The following ZNF385B variants were observed in gnomAD, a reference collection of about 807,000 sequenced individuals.
The protein encoded by ZNF385B is zinc finger protein 533.
Under a neutral mutation model 39.2 loss-of-function variants are expected in ZNF385B, and 23 were observed. The ratio of observed to expected loss-of-function variants is 0.59; its 90% confidence interval spans 0.42 to 0.83. The LOEUF (loss-of-function observed/expected upper bound fraction) is 0.83, where lower values mean the gene tolerates loss of function less well. Among genes scored for constraint, ZNF385B ranks in the 40% least tolerant of loss-of-function variants. The pLI is 0.00. For missense variants in ZNF385B, 552 were observed against 598.9 expected (o/e 0.92, Z 0.82); for synonymous variants, 205 against 222.6 (o/e 0.92, Z 0.70).
At chr2:179,749,767 G>A (rs1427952591) in intron 3 of ZNF385B, among the ~76,000 whole-genome samples, 1 of 152,068 alleles carries the variant, frequency 6.6e-6, no homozygotes, top group African/African-American at 2.4e-5. Flanking sequence ...AAATCACTCA[G>A]ACATGTAAAC....
chr2:179,842,992 G>A (rs1186190119), intron 1 of ZNF385B, among the ~76,000 whole-genome samples: 1 of 152,150 alleles, frequency 6.6e-6, no homozygotes, highest in Non-Finnish European at 1.5e-5. Flanking sequence ...AGCTTCCCTA[G>A]GTGTCACCGC....
chr2:179,630,368 CCAGA>C (rs773920942), intron 3 of ZNF385B, among the ~76,000 whole-genome samples: 1 of 152,202 alleles, frequency 6.6e-6, no homozygotes, highest in African/African-American at 2.4e-5. Flanking sequence ...CTGGTGATAC[CCAGA>C]CAAACAGTGT....
chr2:179,517,382 A>G lies in ZNF385B; in HGVS notation c.552+1146T>C, dbSNP rs560414379. On this transcript the variant is annotated intron_variant, in intron 5 of 9. Coordinates refer to ENST00000410066, the MANE Select transcript of ZNF385B (RefSeq NM_152520.6). ...AAGACTTCAAATGAATTAACACTGT[A>G]TATTTCTCAGTTTATTTAGGTACAT... Among the ~76,000 whole-genome samples the G allele has an allele frequency of 9.2e-5, 14 of 151,990 alleles. 1 individual carries two copies. Among genetic ancestry groups the G allele is most frequent in the South Asian group, 2.1e-4 (1 of 4,818 alleles).
intron 3 of ZNF385B, among the ~76,000 whole-genome samples, chr2:179,738,515 C>T (rs1205446968): frequency 1.3e-5 from 2 of 152,192 alleles, no homozygotes; most frequent in African/African-American, 4.8e-5. Flanking sequence ...GCTTTTGACT[C>T]ATATGATGAG....
intron 3 of ZNF385B, among the ~76,000 whole-genome samples, chr2:179,681,776 T>C (rs919191004): frequency 1.3e-5 from 2 of 152,236 alleles, no homozygotes; most frequent in Non-Finnish European, 2.9e-5. Flanking sequence ...TGCAATTCCA[T>C]TGTTGATGGC....
At chr2:179,546,854 G>A (rs1163160343) in intron 3 of ZNF385B, among the ~76,000 whole-genome samples, 1 of 149,722 alleles carries the variant, frequency 6.7e-6, no homozygotes, top group Non-Finnish European at 1.5e-5. Flanking sequence ...AACAGTGGAG[G>A]AGGGTTCCTC....
At chr2:179,629,102 A>G (rs1450469043) in intron 3 of ZNF385B, among the ~76,000 whole-genome samples, 1 of 152,138 alleles carries the variant, frequency 6.6e-6, no homozygotes, top group Non-Finnish European at 1.5e-5. Context: ...GCTTTCAGGT[A>G]TATTCCAGGC....
At chr2:179,842,041 C>G (rs1708563415) in intron 1 of ZNF385B, among the ~76,000 whole-genome samples, 1 of 152,162 alleles carries the variant, frequency 6.6e-6, no homozygotes, top group African/African-American at 2.4e-5. Context: ...CTTTCTGGAC[C>G]TCAGTTTCCT....
chr2:179,652,761 GACA>G (rs1313648781), intron 3 of ZNF385B, among the ~76,000 whole-genome samples: 1 of 150,348 alleles, frequency 6.7e-6, no homozygotes, highest in Non-Finnish European at 1.5e-5. Flanking sequence ...ATGAATGAAT[GACA>G]ACGATACATA....
chr2:179,676,194 T>C (rs1696760706), intron 3 of ZNF385B, among the ~76,000 whole-genome samples: 1 of 151,356 alleles, frequency 6.6e-6, no homozygotes, highest in Admixed American at 6.6e-5. Context: ...GTTCATGCCA[T>C]TCTCCTGCCT....
At chr2:179,543,087 C>A (rs62179173) in intron 4 of ZNF385B, among the ~76,000 whole-genome samples, 20,019 of 152,070 alleles carry the variant, frequency 0.13, 1,485 homozygotes, top group Non-Finnish European at 0.16. Flanking sequence ...GCCTGGCCAA[C>A]ATGGCGAAAC....
intron 3 of ZNF385B, among the ~76,000 whole-genome samples, chr2:179,615,132 C>G (rs1218322608): frequency 2.0e-5 from 3 of 152,170 alleles, no homozygotes. Flanking sequence ...GTCATAGAGA[C>G]ATGGAAGCAG....
intron 1 of ZNF385B, among the ~76,000 whole-genome samples, chr2:179,848,634 T>C (rs1708923392): frequency 1.3e-5 from 2 of 152,250 alleles, no homozygotes; most frequent in Admixed American, 6.5e-5. Flanking sequence ...CCCACATCCA[T>C]TTCCAGAGTC....
chr2:179,779,726 G>T (rs1392610181), intron 1 of ZNF385B, among the ~76,000 whole-genome samples: 1 of 152,124 alleles, frequency 6.6e-6, no homozygotes, highest in African/African-American at 2.4e-5. Flanking sequence ...GCTGGGCCTG[G>T]GGGCAGAGGG....
intron 3 of ZNF385B, among the ~76,000 whole-genome samples, chr2:179,559,412 T>C (rs980257532): frequency 6.6e-6 from 1 of 152,080 alleles, no homozygotes; most frequent in African/African-American, 2.4e-5. Context: ...AGAGCTTCAG[T>C]CAGGTAGGCA....
intron 3 of ZNF385B, among the ~76,000 whole-genome samples, chr2:179,566,116 C>T (rs1027821632): frequency 1.3e-5 from 2 of 152,206 alleles, no homozygotes; most frequent in East Asian, 3.8e-4. Flanking sequence ...AACTGTGCTG[C>T]TGCATACTAC....
chr2:179,745,657 A>G (rs866578946), intron 3 of ZNF385B: 3 of 1,437,782 alleles, frequency 2.1e-6, no homozygotes, highest in Non-Finnish European at 1.9e-6. Flanking sequence ...ATACAAAAGA[A>G]TCTGTTACTG....
chr2:179,510,028 G>A (rs1382536547), intron 5 of ZNF385B, among the ~76,000 whole-genome samples: 2 of 152,142 alleles, frequency 1.3e-5, no homozygotes, highest in African/African-American at 4.8e-5. Flanking sequence ...AAATCTAATA[G>A]CTTAGTCACT....
At chr2:179,819,475 T>G (rs13418648) in intron 1 of ZNF385B, among the ~76,000 whole-genome samples, 38,704 of 152,136 alleles carry the variant, frequency 0.25, 5,158 homozygotes, top group Non-Finnish European at 0.28. Context: ...CCTGCCACTG[T>G]GCTTCATAAT....
Sources: allele counts gnomAD v4.1 joint callset (sites outside exome capture counted in the v4.1 genomes callset), GRCh38; gene constraint gnomAD v4.1.1; transcripts MANE v1.5; gene names NCBI Gene and HGNC (gene_info 2026-07-23, HGNC 2026-07-21).